VPS36: variants seen among roughly 807,000 people sequenced by gnomAD.
VPS36 encodes the protein vacuolar protein-sorting-associated protein 36.
Under a neutral mutation model 63.5 loss-of-function variants are expected in VPS36, and 31 were observed. The observed-to-expected ratio is 0.49, with a 90% CI of 0.37 to 0.66. The LOEUF is 0.66. Among genes scored for constraint, VPS36 ranks in the 30% least tolerant of loss-of-function variants. The pLI is 0.00. For missense variants in VPS36, 338 were observed against 463.7 expected, an observed-to-expected ratio of 0.73 and a Z score of 2.49; for synonymous variants, 138 against 157.2, an observed-to-expected ratio of 0.88 and a Z score of 0.91.
Position 52,427,196 on chromosome 13 carries a change from T to C in VPS36, c.552A>G (p.Leu184=), listed in dbSNP as rs768177112. Residue 184 remains leucine (L), a synonymous_variant, in exon 7 of 14, where the codon CTA becomes CTG. Coordinates refer to ENST00000378060, the MANE Select transcript of VPS36 (RefSeq NM_016075.4). ...CATAAATGACATATACCTTGATCAT[T>C]AGTTTGCTGAGGTCTTCAAAGGCCT... ...ISEAFEDLSK[L]MIKAKEMVEL... The C allele has an allele frequency of 3.1e-6, 5 of 1,613,610 alleles. No homozygotes were observed. The South Asian group carries it at 5.5e-5, about 18-fold the overall frequency.
At chr13:52,446,051 C>T (rs1027173564) in intron 1 of VPS36, among the ~76,000 whole-genome samples, 9 of 146,088 alleles carry the variant, frequency 6.2e-5, no homozygotes, top group African/African-American at 2.3e-4. Flanking sequence ...GAGTTCAAGA[C>T]CAGCCTGACC....
chr13:52,426,711 C>T (rs373319222), intron 8 of VPS36, among the ~76,000 whole-genome samples: 1 of 151,938 alleles, frequency 6.6e-6, no homozygotes, highest in Non-Finnish European at 1.5e-5. Context: ...AAAAATTAGC[C>T]GGGCGTGGTG....
chr13:52,450,074 G>C (rs904410325), intron 1 of VPS36: 1 of 988,140 alleles, frequency 1.0e-6, no homozygotes, highest in Non-Finnish European at 1.2e-6. Flanking sequence ...AAGGCGAAAC[G>C]GGGCTGTCCG....
intron 6 of VPS36, among the ~76,000 whole-genome samples, chr13:52,430,306 G>C (rs1283234828): frequency 6.6e-6 from 1 of 152,152 alleles, no homozygotes; most frequent in Non-Finnish European, 1.5e-5. Flanking sequence ...ACAGCTAATA[G>C]GAGTCCCAGA....
intron 1 of VPS36, among the ~76,000 whole-genome samples, chr13:52,446,135 G>A (rs901253657): frequency 1.0e-4 from 15 of 150,742 alleles, no homozygotes; most frequent in African/African-American, 2.7e-4. Context: ...GCGTGGTGGC[G>A]GGCGCCTGTA....
chr13:52,426,159 T>C, intron 8 of VPS36, 93 bp from the exon 9 acceptor site: 3 of 1,468,802 alleles, frequency 2.0e-6, no homozygotes, highest in Non-Finnish European at 2.8e-6. Context: ...CAATTATGTC[T>C]ACATATCCCC....
intron 1 of VPS36, among the ~76,000 whole-genome samples, chr13:52,445,361 C>T (rs1958326464): frequency 6.6e-6 from 1 of 152,172 alleles, no homozygotes; most frequent in African/African-American, 2.4e-5. Context: ...TAATGCTGGC[C>T]GGGCGCGGTG....
intron 1 of VPS36, among the ~76,000 whole-genome samples, chr13:52,449,473 G>T (rs1450217594): frequency 6.6e-6 from 1 of 152,202 alleles, no homozygotes; most frequent in Non-Finnish European, 1.5e-5. Flanking sequence ...CCCTAAGAGA[G>T]TCAGAGGACC....
intron 1 of VPS36, among the ~76,000 whole-genome samples, chr13:52,448,056 A>T (rs889502223): frequency 5.3e-5 from 8 of 151,992 alleles, no homozygotes; most frequent in Non-Finnish European, 1.0e-4. Context: ...ATTCGGGTTT[A>T]AAAAAAATGT....
chr13:52,446,266 A>G (rs1049817825), intron 1 of VPS36, among the ~76,000 whole-genome samples: 5 of 129,420 alleles, frequency 3.9e-5, no homozygotes, highest in South Asian at 4.6e-4. Flanking sequence ...ATTCCGTCTG[A>G]AAAAAAAAAA....
chr13:52,413,447 A>G lies in VPS36; in HGVS notation c.*2383T>C, dbSNP rs1271087121. The G allele has an allele frequency of 6.6e-6, 1 of 152,260 alleles. No homozygotes were observed. Among genetic ancestry groups the G allele is most frequent in the Non-Finnish European group, 1.5e-5 (1 of 68,042 alleles). The allele number at this position is 152,260 out of a possible 1,614,324, so 9.4% of individuals were successfully genotyped here. ...AATTCTTAACATAACTGGCTTTAGT[A>G]TGATTAAAGGTTTCTCATTTGCATA... is the stretch of plus-strand genomic sequence containing the variant. On this transcript the variant is annotated 3_prime_UTR_variant, in exon 14 of 14. Transcript: ENST00000378060.
chr13:52,433,763 A>T lies in VPS36; in HGVS notation c.442-15T>A. 1.9e-6 allele frequency: 3 copies of T among 1,572,246 alleles called. No homozygotes were observed. In the South Asian group the frequency reaches 3.5e-5, roughly 19 times the overall value. On this transcript the variant is annotated splice_polypyrimidine_tract_variant and intron_variant, in intron 5 of 13. Coordinates refer to ENST00000378060, the MANE Select transcript of VPS36 (RefSeq NM_016075.4). Reference sequence around the variant, plus strand: ...ATTCTTCCTGGCTGAAAAAAAAAAGAGGTAGAAAATAAAACATACAAAATA... The same window carrying T: ...ATTCTTCCTGGCTGAAAAAAAAAAGTGGTAGAAAATAAAACATACAAAATA...
rs746231851 is a variant in VPS36, at chr13:52,415,800, T to C, written c.*30A>G. 9 of 1,605,596 alleles carry C rather than the reference T, an allele frequency of 5.6e-6. No individual in the cohort carries two copies. The highest frequency in any genetic ancestry group is 5.1e-6 in the Non-Finnish European group (6 of 1,173,902). The stretch of plus-strand genomic sequence containing the variant: ...ACAACCTCTACATGACGCAAGCATA[T>C]GGACAAAAAGGATTTTAAATACAAA... On this transcript the variant is annotated 3_prime_UTR_variant, in exon 14 of 14. Coordinates refer to ENST00000378060, the MANE Select transcript of VPS36 (RefSeq NM_016075.4).
intron 8 of VPS36, among the ~76,000 whole-genome samples, chr13:52,426,414 C>T (rs773449200): frequency 6.6e-6 from 1 of 152,152 alleles, no homozygotes. Flanking sequence ...AAACAAACAT[C>T]AAACTTAGGG....
chr13:52,449,824 A>AGGG (rs1958382217), intron 1 of VPS36: 1 of 674,010 alleles, frequency 1.5e-6, no homozygotes, highest in Admixed American at 6.3e-5. Flanking sequence ...TCTACTATTA[A>AGGG]TATAACACTT....
intron 1 of VPS36, among the ~76,000 whole-genome samples, chr13:52,442,776 T>G (rs1251607131): frequency 6.6e-6 from 1 of 152,194 alleles, no homozygotes; most frequent in Non-Finnish European, 1.5e-5. Context: ...GGAAAGAAAG[T>G]GATTTACAGC....
rs762236961 is a variant in VPS36, at chr13:52,442,458, A to G, written c.97-13T>C. The stretch of plus-strand genomic sequence containing the variant: ...CATCAAATTTTATCTAGAAAGAAAG[A>G]GCATCACAAAATATTAATAACATAT... On this transcript the variant is annotated splice_polypyrimidine_tract_variant and intron_variant, in intron 1 of 13. Transcript: ENST00000378060. 1.2e-6 allele frequency: 2 copies of G among 1,606,960 alleles called. No individual in the cohort carries two copies. The highest frequency in any genetic ancestry group is 2.2e-5 in the East Asian group (1 of 44,692).
chr13:52,423,263 C>T (rs1440377445), intron 10 of VPS36, among the ~76,000 whole-genome samples: 3 of 151,848 alleles, frequency 2.0e-5, no homozygotes, highest in African/African-American at 4.8e-5. Context: ...TGAATATGTA[C>T]AATTATTGTG....
intron 9 of VPS36, among the ~76,000 whole-genome samples, chr13:52,424,042 T>C (rs906571081): frequency 2.6e-5 from 4 of 152,010 alleles, no homozygotes; most frequent in Admixed American, 2.6e-4. Flanking sequence ...GTATTTTTAG[T>C]AGGGACAGGG....
Sources: gnomAD v4.1 joint callset for allele counts (sites outside exome capture counted in the v4.1 genomes callset) on GRCh38, gnomAD v4.1.1 for gene constraint, MANE v1.5 for transcripts, NCBI Gene and HGNC (gene_info 2026-07-23, HGNC 2026-07-21) for gene names.